CFAP299: variants seen among roughly 807,000 people sequenced by gnomAD.
The protein encoded by CFAP299 is cilia and flagella associated protein 299, also known as cilia- and flagella-associated protein 299.
CFAP299 carries 21 observed loss-of-function variants against 27.0 expected under a neutral mutation model. The observed-to-expected ratio is 0.78, with a 90% confidence interval of 0.55 to 1.12. The LOEUF is 1.12. CFAP299 is among the 50% of genes most tolerant of loss of function. The pLI, the probability that CFAP299 is intolerant of heterozygous loss-of-function variation, is 0.00. For synonymous variants in CFAP299, 104 were observed against 98.1 expected, an observed-to-expected ratio of 1.06 and a Z score of -0.36; for missense variants, 310 against 276.6, an observed-to-expected ratio of 1.12 and a Z score of -0.86.
chr4:80,788,530 CAT>C (rs1357759192), intron 3 of CFAP299, among the ~76,000 whole-genome samples: 1 of 151,804 alleles, frequency 6.6e-6, no homozygotes, highest in African/African-American at 2.4e-5. Context: ...TGTGTATAGA[CAT>C]ATATGTGTGT....
At chr4:80,883,007 A>T (rs1453519826) in intron 4 of CFAP299, among the ~76,000 whole-genome samples, 1 of 152,182 alleles carries the variant, frequency 6.6e-6, no homozygotes. Context: ...AAGGATATAG[A>T]TAAAATATAA....
chr4:80,855,777 G>A (rs1731834899), intron 3 of CFAP299, among the ~76,000 whole-genome samples: 1 of 152,142 alleles, frequency 6.6e-6, no homozygotes, highest in Admixed American at 6.6e-5. Flanking sequence ...CGGTGTATAT[G>A]TGCCACATTT....
At chr4:80,863,201 C>CT (rs71664821) in intron 3 of CFAP299, among the ~76,000 whole-genome samples, 2,272 of 133,540 alleles carry the variant, frequency 0.017, 39 homozygotes, top group African/African-American at 0.042. Flanking sequence ...GCTTAGCATG[C>CT]TTTTTTTTTT....
intron 2 of CFAP299, among the ~76,000 whole-genome samples, chr4:80,379,687 T>C (rs1724596856): frequency 6.6e-6 from 1 of 152,106 alleles, no homozygotes; most frequent in South Asian, 2.1e-4. Context: ...AACCTCTAAA[T>C]GTTAGAAAAT....
chr4:80,818,727 T>C (rs1482467549), intron 3 of CFAP299, among the ~76,000 whole-genome samples: 2 of 152,194 alleles, frequency 1.3e-5, no homozygotes, highest in Admixed American at 6.6e-5. Context: ...AGATTTGGAA[T>C]TTATAACAGT....
chr4:80,536,886 A>C (rs1315030543), intron 2 of CFAP299, among the ~76,000 whole-genome samples: 1 of 152,140 alleles, frequency 6.6e-6, no homozygotes, highest in African/African-American at 2.4e-5. Flanking sequence ...AGCACAGCAA[A>C]GAAAATCAAC....
Position 80,642,504 on chromosome 4 carries a change from G to A in CFAP299, c.333+59321G>A, listed in dbSNP as rs532374614. Among the ~76,000 whole-genome samples the A allele has an allele frequency of 4.5e-4, 68 of 152,288 alleles. No homozygotes were observed. The Middle Eastern group carries it at 0.01, about 23-fold the overall frequency. ...TAGTTGGCCAGGCGTGGTGGCTCAC[G>A]CCCATAATCCTAGCACTTTGGGAGG... On this transcript the variant is annotated intron_variant, in intron 3 of 5. Coordinates refer to ENST00000358105, the MANE Select transcript of CFAP299 (RefSeq NM_152770.3).
At chr4:80,824,141 C>T (rs1037320373) in intron 3 of CFAP299, among the ~76,000 whole-genome samples, 1 of 152,076 alleles carries the variant, frequency 6.6e-6, no homozygotes, top group Non-Finnish European at 1.5e-5. Context: ...TCTGTCTTCC[C>T]ACCTAGACAA....
At position 80,894,474 on chromosome 4, in the gene CFAP299, T is replaced by C. The variant is rs367775848; in HGVS notation, c.476+24339T>C. 5.9e-5 allele frequency among the ~76,000 whole-genome samples: 9 copies of C among 152,122 alleles called. No homozygotes were observed. In the South Asian group the frequency reaches 1.9e-3, roughly 31 times the overall value. Reference sequence around the variant, plus strand: ...GAAGTTAACCATTACTGCCAATTGCTGAAGTCCCAGTGTGAGGCACAGCTT... The same window carrying C: ...GAAGTTAACCATTACTGCCAATTGCCGAAGTCCCAGTGTGAGGCACAGCTT... On this transcript the variant is annotated intron_variant, in intron 4 of 5. Transcript: ENST00000358105.
intron 3 of CFAP299, among the ~76,000 whole-genome samples, chr4:80,781,918 C>T (rs1358844928): frequency 6.6e-6 from 1 of 151,924 alleles, no homozygotes; most frequent in Admixed American, 6.6e-5. Context: ...CTTCTACTTA[C>T]AGCTGTGCAA....
chr4:80,355,852 T>C (rs1194180679), intron 1 of CFAP299, among the ~76,000 whole-genome samples: 1 of 152,210 alleles, frequency 6.6e-6, no homozygotes, highest in Non-Finnish European at 1.5e-5. Flanking sequence ...TTAAATCTCA[T>C]TTGTCAATTT....
At chr4:80,838,966 C>T (rs1730717302) in intron 3 of CFAP299, among the ~76,000 whole-genome samples, 1 of 152,122 alleles carries the variant, frequency 6.6e-6, no homozygotes, top group African/African-American at 2.4e-5. Context: ...TGAGCCTGGA[C>T]TGATCGTCCT....
At chr4:80,603,613 A>C (rs866369136) in intron 3 of CFAP299, among the ~76,000 whole-genome samples, 1 of 152,218 alleles carries the variant, frequency 6.6e-6, no homozygotes. Context: ...GGAAATATTT[A>C]TGAATGTGTT....
intron 3 of CFAP299, among the ~76,000 whole-genome samples, chr4:80,669,958 G>A (rs532241669): frequency 4.6e-5 from 7 of 151,002 alleles, no homozygotes; most frequent in Admixed American, 6.6e-5. Flanking sequence ...AAAAAAACCC[G>A]TAGTGCGTCG....
At chr4:80,433,588 TAAAA>T (rs1188620550) in intron 2 of CFAP299, among the ~76,000 whole-genome samples, 1 of 152,170 alleles carries the variant, frequency 6.6e-6, no homozygotes, top group Non-Finnish European at 1.5e-5. Flanking sequence ...TTAAATTACT[TAAAA>T]AATCAAATTT....
Position 80,863,061 on chromosome 4 carries a change from G to A in CFAP299, c.334-6932G>A, listed in dbSNP as rs530668083. On this transcript the variant is annotated intron_variant, in intron 3 of 5. Transcript: ENST00000358105. ...GAGATTTAAAATTCTAGCACATAACGATTCCTTCATTTGTCTCTATCAGAG... is the reference window on the plus strand; with the variant it reads ...GAGATTTAAAATTCTAGCACATAACAATTCCTTCATTTGTCTCTATCAGAG... 5.3e-5 allele frequency among the ~76,000 whole-genome samples: 8 copies of A among 152,138 alleles called. No individual in the cohort carries two copies. In the East Asian group the frequency reaches 7.7e-4, roughly 15 times the overall value.
rs144433759 is a variant in CFAP299, at chr4:80,474,091, A to T, written c.243-109002A>T. Among the ~76,000 whole-genome samples, 3 of 152,314 alleles carry T rather than the reference A, an allele frequency of 2.0e-5. No homozygotes were observed. The East Asian group carries it at 5.8e-4, about 29-fold the overall frequency. Reference sequence around the variant, plus strand: ...CCTCCAATATTAAATTAGCATCTTCATTATGCAGAGGAATATGTTGAGTAA... The same window carrying T: ...CCTCCAATATTAAATTAGCATCTTCTTTATGCAGAGGAATATGTTGAGTAA... On this transcript the variant is annotated intron_variant, in intron 2 of 5. Transcript: ENST00000358105.
chr4:80,847,318 C>T (rs750430827), intron 3 of CFAP299, among the ~76,000 whole-genome samples: 1 of 152,200 alleles, frequency 6.6e-6, no homozygotes, highest in Non-Finnish European at 1.5e-5. Flanking sequence ...CTTGGCCCTT[C>T]GTAGACATAC....
At chr4:80,626,685 A>G (rs1314752821) in intron 3 of CFAP299, among the ~76,000 whole-genome samples, 1 of 151,810 alleles carries the variant, frequency 6.6e-6, no homozygotes, top group Non-Finnish European at 1.5e-5. Flanking sequence ...AGATATTACA[A>G]TTGACACAAC....
Sources: allele counts gnomAD v4.1 joint callset (sites outside exome capture counted in the v4.1 genomes callset), GRCh38; gene constraint gnomAD v4.1.1; transcripts MANE v1.5; gene names NCBI Gene and HGNC (gene_info 2026-07-23, HGNC 2026-07-21).